The following STIM1 variants were observed in gnomAD, a reference collection of about 807,000 sequenced individuals.
The protein encoded by STIM1 is stromal interaction molecule 1.
A neutral mutation model predicts 74.7 loss-of-function variants in STIM1; 25 were observed. That is an observed-to-expected ratio of 0.33 (90% CI 0.24 to 0.47). The LOEUF (loss-of-function observed/expected upper bound fraction) is 0.47. STIM1 is among the 20% of genes least tolerant of loss of function. STIM1 has a pLI of 1.00. For synonymous variants in STIM1, 328 were observed against 348.8 expected (o/e 0.94, Z 0.66); for missense variants, 728 against 920.8 (o/e 0.79, Z 2.71).
chr11:3,930,915 T>C lies in STIM1; in HGVS notation c.140-36637T>C, dbSNP rs150821526. Among the ~76,000 whole-genome samples the C allele has an allele frequency of 9.4e-3, 1,438 of 152,324 alleles. 26 individuals are homozygous for C. The highest frequency in any genetic ancestry group is 0.033 in the African/African-American group (1,360 of 41,570). On this transcript the variant is annotated intron_variant, in intron 1 of 12. Coordinates refer to ENST00000526596, the MANE Select transcript of STIM1 (RefSeq NM_001382567.1). ...TCATTCATGTATTCAATCATTCTTT[T>C]AACATACAGGACACTGCCTCTCTGC...
At chr11:4,082,826 A>G in intron 8 of STIM1, 56 bp from the exon 9 acceptor site, 1 of 1,485,446 alleles carries the variant, frequency 6.7e-7, no homozygotes, top group Non-Finnish European at 9.4e-7. Context: ...GGCCTTTCTC[A>G]TTTATTCCAT....
intron 1 of STIM1, among the ~76,000 whole-genome samples, chr11:3,870,405 C>T (rs1002402293): frequency 2.6e-5 from 4 of 152,176 alleles, no homozygotes; most frequent in African/African-American, 4.8e-5. Flanking sequence ...CCTCATATTC[C>T]CTTTTGTCCA....
chr11:3,980,349 A>G (rs2093490076), intron 2 of STIM1, among the ~76,000 whole-genome samples: 2 of 152,174 alleles, frequency 1.3e-5, no homozygotes, highest in Non-Finnish European at 2.9e-5. Flanking sequence ...GCTTTAGCTC[A>G]TGCTGCTAGT....
At chr11:3,984,109 G>A (rs151336052) in intron 2 of STIM1, among the ~76,000 whole-genome samples, 2 of 152,090 alleles carry the variant, frequency 1.3e-5, no homozygotes, top group Admixed American at 6.6e-5. Flanking sequence ...CAAGTGATCC[G>A]CCCGCCTTGG....
At chr11:4,067,814 T>C (rs1012735375) in intron 5 of STIM1, among the ~76,000 whole-genome samples, 17 of 152,268 alleles carry the variant, frequency 1.1e-4, no homozygotes, top group Admixed American at 1.1e-3. Context: ...TTATCATACT[T>C]GAAGCTTATC....
In STIM1 at chr11:4,018,458, C is replaced by CAAAA. The variant is rs1157096857; in HGVS notation, c.271-5390_271-5387dup. Reference sequence around the variant, plus strand: ...TGGGCGACAGAGCGAGACTCCGTCTCAAAAAAAAAAAAAAAAAAAAAAAAA... The same window carrying CAAAA: ...TGGGCGACAGAGCGAGACTCCGTCTCAAAAAAAAAAAAAAAAAAAAAAAAAAAAA... On this transcript the variant is annotated intron_variant, in intron 2 of 12. Coordinates refer to ENST00000526596, the MANE Select transcript of STIM1 (RefSeq NM_001382567.1). 3.9e-3 allele frequency among the ~76,000 whole-genome samples: 80 copies of CAAAA among 20,304 alleles called. 1 individual carries two copies. Among genetic ancestry groups the CAAAA allele is most frequent in the East Asian group, 0.031 (9 of 290 alleles). The allele number at this position is 20,304 out of a possible 152,430, so 13.3% of individuals were successfully genotyped here. A position where few individuals can be genotyped will look rare whatever the true frequency, so the allele number is the denominator to read the frequency against.
At chr11:3,978,386 G>T (rs535755574) in intron 2 of STIM1, among the ~76,000 whole-genome samples, 5 of 150,854 alleles carry the variant, frequency 3.3e-5, no homozygotes, top group Non-Finnish European at 7.4e-5. Flanking sequence ...GACCTCAGGT[G>T]ATCTGCCCGC....
intron 3 of STIM1, among the ~76,000 whole-genome samples, chr11:4,037,346 CAG>C (rs985542973): frequency 1.3e-5 from 2 of 152,184 alleles, no homozygotes; most frequent in African/African-American, 4.8e-5. Flanking sequence ...CCACTGCATC[CAG>C]CCTGCATACT....
intron 1 of STIM1, among the ~76,000 whole-genome samples, chr11:3,871,722 C>A (rs2091103374): frequency 6.6e-6 from 1 of 152,102 alleles, no homozygotes; most frequent in Non-Finnish European, 1.5e-5. Flanking sequence ...TAGGGAAAAT[C>A]TGGTTTAATA....
chr11:3,923,571 T>A (rs1291708799), intron 1 of STIM1, among the ~76,000 whole-genome samples: 8 of 149,280 alleles, frequency 5.4e-5, no homozygotes, highest in African/African-American at 2.0e-4. Context: ...ATCGTGCCAC[T>A]GTACTCCAGC....
intron 1 of STIM1, among the ~76,000 whole-genome samples, chr11:3,962,896 G>T (rs2093302735): frequency 6.6e-6 from 1 of 152,034 alleles, no homozygotes; most frequent in South Asian, 2.1e-4. Context: ...GAAATAAAAT[G>T]AATTAATAAC....
chr11:4,084,806 T>G (rs1225425688), intron 11 of STIM1, 41 bp downstream of exon 11: 1 of 1,283,822 alleles, frequency 7.8e-7, no homozygotes, highest in East Asian at 5.6e-5. Flanking sequence ...TTTCTGACTT[T>G]CGGGACTAAA....
chr11:4,082,395 T>C (rs1032709101), intron 8 of STIM1, 44 bp downstream of exon 8: 10 of 1,557,418 alleles, frequency 6.4e-6, no homozygotes, highest in African/African-American at 1.4e-5. Context: ...CTTTTTGCCC[T>C]TCTCCTTTTT....
At chr11:3,863,220 ATGTGTGTGTGTGTGTGTGTGTGTGTG>A (rs56737126) in intron 1 of STIM1, among the ~76,000 whole-genome samples, 13 of 125,802 alleles carry the variant, frequency 1.0e-4, no homozygotes, top group Non-Finnish European at 2.0e-4. Flanking sequence ...GAGACAATGC[ATGTGTGTGTGTGTGTGTGTGTGTGTG>A]TGTGTGTGTG....
intron 5 of STIM1, among the ~76,000 whole-genome samples, chr11:4,066,487 G>A (rs772380919): frequency 1.5e-4 from 23 of 152,132 alleles, no homozygotes; most frequent in Non-Finnish European, 2.5e-4. Context: ...GGGCTACAGA[G>A]ATATAAATAA....
intron 3 of STIM1, among the ~76,000 whole-genome samples, chr11:4,030,933 G>A (rs1049566938): frequency 6.6e-6 from 1 of 152,174 alleles, no homozygotes; most frequent in African/African-American, 2.4e-5. Flanking sequence ...ACAAAAAGGT[G>A]TAAATCTCTA....
intron 1 of STIM1, among the ~76,000 whole-genome samples, chr11:3,890,953 C>T (rs1314714184): frequency 6.6e-6 from 1 of 152,118 alleles, no homozygotes; most frequent in African/African-American, 2.4e-5. Context: ...AAAGAATCAA[C>T]TTTGATATGA....
At chr11:4,084,595 C>T in intron 10 of STIM1, 78 bp from the exon 11 acceptor site, 1 of 1,191,612 alleles carries the variant, frequency 8.4e-7, no homozygotes, top group South Asian at 1.3e-5. Context: ...CCAGCCCTTC[C>T]TTTATTACAT....
At chr11:4,086,708 C>T in intron 12 of STIM1, 165 bp downstream of exon 12, 1 of 1,538,834 alleles carries the variant, frequency 6.5e-7, no homozygotes, top group South Asian at 1.2e-5. Context: ...ACCATCACCA[C>T]TACCACCACC....
Sources: gnomAD v4.1 joint callset for allele counts (sites outside exome capture counted in the v4.1 genomes callset) on GRCh38, gnomAD v4.1.1 for gene constraint, MANE v1.5 for transcripts, NCBI Gene and HGNC (gene_info 2026-07-23, HGNC 2026-07-21) for gene names.